Variants in FLNB observed in about 807,000 individuals in gnomAD.
The protein encoded by FLNB is filamin-B.
In FLNB, 111 loss-of-function variants were observed where a neutral mutation model predicts 250.6. The observed-to-expected ratio is 0.44, with a 90% CI of 0.38 to 0.52. FLNB has a LOEUF of 0.52. FLNB is among the 20% of genes least tolerant of loss of function. The pLI, the probability that FLNB is intolerant of heterozygous loss-of-function variation, is 0.00. For synonymous variants in FLNB, 1,302 were observed against 1,372.1 expected, an observed-to-expected ratio of 0.95 and a Z score of 1.13; for missense variants, 2,869 against 3,447.8, an observed-to-expected ratio of 0.83 and a Z score of 4.20.
Position 58,150,236 on chromosome 3 carries a change from C to T in FLNB, c.6367+9C>T, listed in dbSNP as rs781422643. The T allele has an allele frequency of 2.2e-5, 35 of 1,613,994 alleles. No individual in the cohort carries two copies. The highest frequency in any genetic ancestry group is 6.6e-5 in the South Asian group (6 of 91,074). Reference sequence around the variant, plus strand: ...GAACCTGAAAATCCCAGGTGGGCGTCGGGGACTAGTAGGGTGGGGAAGCCT... The same window carrying T: ...GAACCTGAAAATCCCAGGTGGGCGTTGGGGACTAGTAGGGTGGGGAAGCCT... On this transcript the variant is annotated intron_variant, in intron 38 of 45. Transcript: ENST00000295956.
chr3:58,135,308 G>A (rs1013000257), intron 27 of FLNB, among the ~76,000 whole-genome samples: 8 of 152,186 alleles, frequency 5.3e-5, no homozygotes, highest in African/African-American at 1.9e-4. Flanking sequence ...CCACCTGGGT[G>A]CCCTGCAGCT....
chr3:58,124,818 A>T (rs1033207206), intron 22 of FLNB, among the ~76,000 whole-genome samples: 3 of 149,104 alleles, frequency 2.0e-5, no homozygotes, highest in African/African-American at 7.6e-5. Context: ...AGTATTAGGA[A>T]TTATAAAAAA....
rs1187717496 is a variant in FLNB, at chr3:58,163,195, C to G, written c.7063C>G (p.His2355Asp). 1.2e-6 allele frequency: 2 copies of G among 1,614,064 alleles called. No homozygotes were observed. The highest frequency in any genetic ancestry group is 8.5e-7 in the Non-Finnish European group (1 of 1,179,906). ...VRFIPHENGVHTIDVKFNGSH... is the reference protein window; with the variant it reads ...VRFIPHENGVDTIDVKFNGSH... Reference sequence around the variant, plus strand: ...CTTCATCCCTCATGAGAATGGTGTCCACACCATCGATGTCAAGTTCAATGG... The same window carrying G: ...CTTCATCCCTCATGAGAATGGTGTCGACACCATCGATGTCAAGTTCAATGG... Residue 2355 changes from histidine (H) to aspartate (D), a missense_variant, in exon 43 of 46, where the codon CAC (histidine) becomes GAC (aspartate). By Grantham distance (81) the His-to-Asp change is moderately conservative. Transcript: ENST00000295956.
In FLNB at chr3:58,098,896, C is replaced by T. The variant is rs2097244081; in HGVS notation, c.1333C>T (p.Gln445Ter). The T allele has an allele frequency of 1.2e-6, 2 of 1,613,720 alleles. No individual in the cohort carries two copies. Among genetic ancestry groups the T allele is most frequent in the African/African-American group, 2.7e-5 (2 of 74,868 alleles). ...TATTCCTAAGAGTCCCTTCGTTGTG[C>T]AGGTTGGGGAAGGTGAGTGCTGGGC... ...DTIPKSPFVV[Q>*]VGEACNPNAC... is the part of the protein sequence containing the mutation. The change falls in exon 8 of 46, where the codon CAG becomes TAG. Residue 445 changes from glutamine (Q) to a stop codon, truncating the protein, a stop_gained. Transcript: ENST00000295956. LOFTEE classifies it high-confidence loss of function.
chr3:58,139,037 C>A (rs964197687), intron 29 of FLNB, among the ~76,000 whole-genome samples: 1 of 152,136 alleles, frequency 6.6e-6, no homozygotes, highest in East Asian at 1.9e-4. Flanking sequence ...GGGGAAATAC[C>A]TCGTCTTTTG....
chr3:58,113,051 C>T (rs2097271707), intron 18 of FLNB, among the ~76,000 whole-genome samples: 1 of 152,150 alleles, frequency 6.6e-6, no homozygotes, highest in South Asian at 2.1e-4. Flanking sequence ...ATACACATAA[C>T]ACAAAATTTA....
rs2097329059 is a variant in FLNB at position 58,142,680 on chromosome 3, G to C, written c.5212G>C (p.Asp1738His). 6.2e-7 allele frequency: 1 copy of C among 1,614,218 alleles called. No homozygotes were observed. The highest frequency in any genetic ancestry group is 8.5e-7 in the Non-Finnish European group (1 of 1,180,026). Residue 1738 changes from aspartate (D) to histidine (H), a missense_variant, in exon 31 of 46, where the codon GAC becomes CAC. Around this residue, in one of 5 missense-constraint regions of FLNB, gnomAD observed 1,084 missense variants for 1,315.5 expected, o/e 0.82. Transcript: ENST00000295956. The surrounding 1 kb of genome is among the most constrained non-coding windows in gnomAD (Gnocchi z 4.3). ...VTEEAYVPVS[D>H]MNGLGFKPFD... ...CGAAGAGGCCTATGTCCCAGTGAGT[G>C]ACATGAACGGCCTGGGATTTAAGCC...
At chr3:58,050,335 C>A (rs939907680) in intron 1 of FLNB, among the ~76,000 whole-genome samples, 1 of 152,092 alleles carries the variant, frequency 6.6e-6, no homozygotes, top group Non-Finnish European at 1.5e-5. Context: ...GTCTCTTTTT[C>A]ATTTTTAAAG....
At chr3:58,049,849 T>C (rs1254221610) in intron 1 of FLNB, among the ~76,000 whole-genome samples, 1 of 152,096 alleles carries the variant, frequency 6.6e-6, no homozygotes, top group African/African-American at 2.4e-5. Flanking sequence ...ATTAGACTGC[T>C]CAGGGTAGTG....
chr3:58,168,955 C>A, intron 44 of FLNB: 1 of 366,682 alleles, frequency 2.7e-6, no homozygotes, highest in South Asian at 3.0e-5. Context: ...CTGAAAAATC[C>A]CCTGATTTCT....
intron 4 of FLNB, among the ~76,000 whole-genome samples, chr3:58,083,179 T>C (rs1194990462): frequency 6.6e-6 from 1 of 152,136 alleles, no homozygotes; most frequent in Non-Finnish European, 1.5e-5. Flanking sequence ...TAAGGTTCAC[T>C]TACTACATTT....
chr3:58,080,791 CTT>C (rs10628113), intron 3 of FLNB, among the ~76,000 whole-genome samples: 11 of 136,878 alleles, frequency 8.0e-5, no homozygotes, highest in South Asian at 2.3e-4. Flanking sequence ...TGCGTCTGGC[CTT>C]TTTTTTTTTT....
intron 1 of FLNB, among the ~76,000 whole-genome samples, chr3:58,056,004 G>T (rs1002196485): frequency 6.6e-6 from 1 of 151,914 alleles, no homozygotes; most frequent in Non-Finnish European, 1.5e-5. Flanking sequence ...GTGATAAAAC[G>T]ACAGGTGCTG....
chr3:58,018,019 T>C (rs1292503131), intron 1 of FLNB, among the ~76,000 whole-genome samples: 2 of 152,134 alleles, frequency 1.3e-5, no homozygotes, highest in African/African-American at 4.8e-5. Flanking sequence ...CTCTTCTTGG[T>C]ACCAAGAATA....
At position 58,102,270 on chromosome 3, in the gene FLNB, G is replaced by T; in HGVS notation, c.1413G>T (p.Glu471Asp). Residue 471 changes from glutamate (E) to aspartate (D), a missense_variant, in exon 9 of 46, where the codon GAG (glutamate) becomes GAT (aspartate). Physicochemically the swap from Glu to Asp is conservative, Grantham distance 45. Transcript: ENST00000295956. The stretch of plus-strand genomic sequence containing the variant: ...AACCCAAAGGCGTCCGTATCCGGGA[G>T]ACCACAGATTTCAAGGTTGACACCA... ...GLQPKGVRIR[E>D]TTDFKVDTKA... 1 of 1,614,216 alleles carries T rather than the reference G, an allele frequency of 6.2e-7. No homozygotes were observed. Among genetic ancestry groups the T allele is most frequent in the Non-Finnish European group, 8.5e-7 (1 of 1,180,026 alleles).
chr3:58,156,006 A>C lies in FLNB; in HGVS notation c.6819A>C (p.Glu2273Asp). 1 of 1,614,144 alleles carries C rather than the reference A, an allele frequency of 6.2e-7. No individual in the cohort carries two copies. The highest frequency in any genetic ancestry group is 8.5e-7 in the Non-Finnish European group (1 of 1,180,016). ...AGTTCAATGATGAGCACATCCCGGA[A>C]AGCCCCTACCTGGTGCCGGTCATCG... ...SIKFNDEHIP[E>D]SPYLVPVIAP... The change falls in exon 41 of 46, where the codon GAA (glutamate) becomes GAC (aspartate). Residue 2273 changes from glutamate (E) to aspartate (D), a missense_variant. By Grantham distance (45) the Glu-to-Asp change is conservative (BLOSUM62 2). Around this residue, in one of 5 missense-constraint regions of FLNB, gnomAD observed 1,084 missense variants for 1,315.5 expected, o/e 0.82. Transcript: ENST00000295956.
chr3:58,067,106 T>C (rs2097186684), intron 1 of FLNB, among the ~76,000 whole-genome samples: 1 of 152,174 alleles, frequency 6.6e-6, no homozygotes, highest in African/African-American at 2.4e-5. Context: ...CCCCATGCCA[T>C]GCCCAGGGCA....
intron 36 of FLNB, among the ~76,000 whole-genome samples, chr3:58,149,065 G>A (rs906212846): frequency 9.9e-5 from 15 of 152,116 alleles, no homozygotes; most frequent in Non-Finnish European, 2.1e-4. Context: ...AGGCTTGCAA[G>A]GTTTAGAGCC....
At chr3:58,030,121 C>T (rs1481933648) in intron 1 of FLNB, among the ~76,000 whole-genome samples, 2 of 152,148 alleles carry the variant, frequency 1.3e-5, no homozygotes, top group African/African-American at 4.8e-5. Context: ...TTTGTTAGAA[C>T]ATGCTAATGG....
Sources: allele counts gnomAD v4.1 joint callset (sites outside exome capture counted in the v4.1 genomes callset), GRCh38; gene constraint gnomAD v4.1.1; regional missense constraint gnomAD v4.1.1; non-coding constraint Gnocchi (gnomAD v3.1); transcripts MANE v1.5; gene names NCBI Gene and HGNC (gene_info 2026-07-23, HGNC 2026-07-21).